Variants in MAPK10 observed in about 807,000 individuals in gnomAD.
MAPK10 encodes the protein mitogen-activated protein kinase 10.
MAPK10 carries 25 observed loss-of-function variants against 59.3 expected under a neutral mutation model. The ratio of observed to expected loss-of-function variants is 0.42; its 90% CI spans 0.31 to 0.59. MAPK10 has a LOEUF of 0.59. Ranked by LOEUF, MAPK10 falls within the 20% of genes least tolerant of loss-of-function variation. The pLI is 0.15. For synonymous variants in MAPK10, 190 were observed against 200.5 expected, an observed-to-expected ratio of 0.95 and a Z score of 0.44; for missense variants, 351 against 568.9, an observed-to-expected ratio of 0.62 and a Z score of 3.90.
chr4:86,460,503 C>T (rs1272354429), intron 1 of MAPK10, among the ~76,000 whole-genome samples: 1 of 152,192 alleles, frequency 6.6e-6, no homozygotes, highest in Non-Finnish European at 1.5e-5. Flanking sequence ...ATGGAACCAC[C>T]AATTAATGCC....
At chr4:86,371,731 G>A (rs1182460612) in intron 1 of MAPK10, among the ~76,000 whole-genome samples, 1 of 152,172 alleles carries the variant, frequency 6.6e-6, no homozygotes, top group Admixed American at 6.5e-5. Context: ...CCCACGGAGG[G>A]CAGACCAAAG....
chr4:86,398,105 GCAGA>G (rs1340368952), intron 1 of MAPK10, among the ~76,000 whole-genome samples: 2 of 151,786 alleles, frequency 1.3e-5, no homozygotes, highest in African/African-American at 2.4e-5. Flanking sequence ...GCACAGGCAG[GCAGA>G]CAGACAGACC....
intron 1 of MAPK10, among the ~76,000 whole-genome samples, chr4:86,444,794 G>A (rs1682420700): frequency 6.6e-6 from 1 of 150,818 alleles, no homozygotes; most frequent in African/African-American, 2.4e-5. Flanking sequence ...AGACATTCAT[G>A]CGGCCAACAA....
upstream of MAPK10, among the ~76,000 whole-genome samples, chr4:86,457,429 T>C (rs1324264059): frequency 1.3e-5 from 2 of 152,260 alleles, no homozygotes; most frequent in Middle Eastern, 3.4e-3. Flanking sequence ...TCCAGAAAGC[T>C]CCTAGAACTC....
chr4:86,083,575 C>T (rs906861188), intron 9 of MAPK10, among the ~76,000 whole-genome samples: 5 of 152,176 alleles, frequency 3.3e-5, no homozygotes, highest in African/African-American at 1.2e-4. Context: ...GGCTAAACTG[C>T]TCTGAGGCTG....
chr4:86,267,998 GC>G (rs779950348), intron 2 of MAPK10: 4 of 152,096 alleles, frequency 2.6e-5, no homozygotes, highest in Non-Finnish European at 5.9e-5. Context: ...TAACACCTAG[GC>G]CAGTGGCTGG....
chr4:86,128,880 TC>T (rs2060529330), intron 4 of MAPK10, among the ~76,000 whole-genome samples: 1 of 152,096 alleles, frequency 6.6e-6, no homozygotes, highest in South Asian at 2.1e-4. Context: ...TTTTAAACTT[TC>T]CTTATTATTA....
chr4:86,140,589 C>T (rs1226655187), intron 4 of MAPK10, among the ~76,000 whole-genome samples: 3 of 149,138 alleles, frequency 2.0e-5, no homozygotes, highest in South Asian at 4.3e-4. Context: ...TGCTAGATGA[C>T]GAGTTAGTGG....
intron 11 of MAPK10, among the ~76,000 whole-genome samples, chr4:86,046,217 G>T (rs1265309963): frequency 1.3e-5 from 2 of 151,584 alleles, no homozygotes; most frequent in African/African-American, 2.4e-5. Context: ...GAGATGATGG[G>T]GTTTTCTAAA....
chr4:86,315,118 A>T (rs1578125430), intron 2 of MAPK10, among the ~76,000 whole-genome samples: 1 of 152,154 alleles, frequency 6.6e-6, no homozygotes, highest in East Asian at 1.9e-4. Flanking sequence ...ACTGGAGGTC[A>T]TTATGTTATG....
At chr4:86,093,246 TG>T (rs969804053) in intron 9 of MAPK10, among the ~76,000 whole-genome samples, 3 of 151,960 alleles carry the variant, frequency 2.0e-5, no homozygotes, top group Non-Finnish European at 4.4e-5. Context: ...GTTTCCTCTC[TG>T]GGGGATTACG....
intron 9 of MAPK10, among the ~76,000 whole-genome samples, chr4:86,086,687 C>T (rs1369773603): frequency 6.6e-6 from 1 of 152,022 alleles, no homozygotes; most frequent in African/African-American, 2.4e-5. Flanking sequence ...TATAGGTATA[C>T]ATTATAATAT....
chr4:86,231,709 G>T (rs1303669962), intron 2 of MAPK10, among the ~76,000 whole-genome samples: 1 of 151,972 alleles, frequency 6.6e-6, no homozygotes, highest in Non-Finnish European at 1.5e-5. Flanking sequence ...TATAGGGATA[G>T]TAATTCATTT....
intron 6 of MAPK10, chr4:86,102,869 T>C (rs963792147): frequency 1.7e-5 from 3 of 175,108 alleles, no homozygotes; most frequent in Non-Finnish European, 1.2e-5. Context: ...GTTTGTGGAA[T>C]CTATTAATAA....
At chr4:86,243,159 T>C (rs1233177804) in intron 2 of MAPK10, among the ~76,000 whole-genome samples, 1 of 152,200 alleles carries the variant, frequency 6.6e-6, no homozygotes, top group Non-Finnish European at 1.5e-5. Context: ...TGGTTGCCAG[T>C]GAAGGATTCA....
At chr4:86,564,868 C>T (rs192129961) in intron 1 of MAPK10, among the ~76,000 whole-genome samples, 4 of 152,136 alleles carry the variant, frequency 2.6e-5, no homozygotes, top group South Asian at 2.1e-4. Context: ...TGCTTAGGCT[C>T]GTGGAACAAT....
intron 5 of MAPK10, among the ~76,000 whole-genome samples, chr4:86,106,492 TAA>T (rs1199546482): frequency 6.7e-6 from 1 of 149,848 alleles, no homozygotes; most frequent in African/African-American, 2.4e-5. Flanking sequence ...TATTTATTAA[TAA>T]AAGTTATTAA....
At chr4:86,124,569 T>C (rs952843167) in intron 4 of MAPK10, 7 of 151,942 alleles carry the variant, frequency 4.6e-5, no homozygotes, top group Admixed American at 4.6e-4. Flanking sequence ...GAATAGCTAT[T>C]ATTATTAACA....
chr4:86,417,584 A>T (rs1364047818), intron 1 of MAPK10, among the ~76,000 whole-genome samples: 1 of 152,220 alleles, frequency 6.6e-6, no homozygotes, highest in Non-Finnish European at 1.5e-5. Flanking sequence ...GGAGTTGCAC[A>T]AGACTGGTTT....
Sources: allele counts gnomAD v4.1 joint callset (sites outside exome capture counted in the v4.1 genomes callset), GRCh38; gene constraint gnomAD v4.1.1; transcripts MANE v1.5; gene names NCBI Gene and HGNC (gene_info 2026-07-23, HGNC 2026-07-21).